UGT1A8: variants seen among roughly 807,000 people sequenced by gnomAD.
The protein encoded by UGT1A8 is UDP-glucuronosyltransferase 1A8.
UGT1A8 carries 39 observed loss-of-function variants against 45.3 expected under a neutral mutation model. That is an observed-to-expected ratio of 0.86 (90% CI 0.67 to 1.12). The LOEUF is 1.12. UGT1A8 is among the 50% of genes most tolerant of loss of function. UGT1A8 has a pLI of 0.00. For synonymous variants in UGT1A8, 275 were observed against 249.2 expected (o/e 1.10, Z -0.97); for missense variants, 719 against 664.9 (o/e 1.08, Z -0.90).
chr2:233,709,911 C>T (rs2076097250), intron 1 of UGT1A8, among the ~76,000 whole-genome samples: 1 of 152,178 alleles, frequency 6.6e-6, no homozygotes, highest in Admixed American at 6.5e-5. Context: ...CACCTAATAC[C>T]TCCCCTCACC....
Position 233,772,812 on chromosome 2 carries a change from C to A in UGT1A8, c.*253C>A. ...ATGACATGTGCCATTTTTCAGAGGA[C>A]GTGCAGACAGGCTGGCATTCTAGAT... is the stretch of plus-strand genomic sequence containing the variant. On this transcript the variant is annotated 3_prime_UTR_variant, in exon 5 of 5. Transcript: ENST00000373450. The A allele has an allele frequency of 1.9e-6, 2 of 1,035,896 alleles. No homozygotes were observed. Among genetic ancestry groups the A allele is most frequent in the Non-Finnish European group, 2.6e-6 (2 of 759,452 alleles). 64.2% of individuals were successfully genotyped at this position (1,035,896 alleles called of 1,614,324 possible). A position where few individuals can be genotyped will look rare whatever the true frequency, so the allele number is the denominator to read the frequency against.
chr2:233,772,219 A>T, intron 4 of UGT1A8, 43 bp from the exon 5 acceptor site: 6 of 1,612,704 alleles, frequency 3.7e-6, no homozygotes, highest in Non-Finnish European at 5.1e-6. Context: ...GATTGTTCAT[A>T]CCACAGGTGT....
At chr2:233,709,134 A>G (rs2076059610) in intron 1 of UGT1A8, among the ~76,000 whole-genome samples, 1 of 152,060 alleles carries the variant, frequency 6.6e-6, no homozygotes, top group Non-Finnish European at 1.5e-5. Flanking sequence ...GGCCAAGGGG[A>G]TGAGACGTGC....
chr2:233,722,051 T>C (rs1475748803), intron 1 of UGT1A8: 2 of 234,456 alleles, frequency 8.5e-6, no homozygotes, highest in Non-Finnish European at 1.7e-5. Flanking sequence ...GTGGTGTTTC[T>C]GGGTCAAGTG....
chr2:233,705,942 A>T (rs1310148343), intron 1 of UGT1A8, among the ~76,000 whole-genome samples: 1 of 152,156 alleles, frequency 6.6e-6, no homozygotes, highest in African/African-American at 2.4e-5. Context: ...ACAAAAAATT[A>T]GCTGGGTGTG....
Position 233,637,315 on chromosome 2 carries a change from G to A in UGT1A8, c.855+18753G>A, listed in dbSNP as rs142662851. 2.3e-4 allele frequency: 368 copies of A among 1,613,778 alleles called. No individual in the cohort carries two copies. Among genetic ancestry groups the A allele is most frequent in the Non-Finnish European group, 2.9e-4 (341 of 1,179,866 alleles). On this transcript the variant is annotated intron_variant, in intron 1 of 4. Coordinates refer to ENST00000373450, the MANE Select transcript of UGT1A8 (RefSeq NM_019076.5). ...CTTTGTTTTGGACTATCCCAAACCCGTGATGCCCAACATGATCTTCATTGG... is the reference window on the plus strand; with the variant it reads ...CTTTGTTTTGGACTATCCCAAACCCATGATGCCCAACATGATCTTCATTGG...
chr2:233,641,048 T>A (rs550443751), intron 1 of UGT1A8, among the ~76,000 whole-genome samples: 1 of 152,252 alleles, frequency 6.6e-6, no homozygotes, highest in South Asian at 2.1e-4. Flanking sequence ...ATGCAAGTTA[T>A]CTCACTGCAA....
chr2:233,742,362 A>G (rs536204491), intron 1 of UGT1A8, among the ~76,000 whole-genome samples: 1 of 152,110 alleles, frequency 6.6e-6, no homozygotes, highest in South Asian at 2.1e-4. Context: ...TGCAGCAGAA[A>G]CATGTCCTTA....
intron 1 of UGT1A8, among the ~76,000 whole-genome samples, chr2:233,651,065 A>G (rs1362784131): frequency 2.0e-5 from 3 of 152,228 alleles, no homozygotes; most frequent in African/African-American, 7.2e-5. Flanking sequence ...CAGGAAGACT[A>G]CAGTTTTAGA....
intron 1 of UGT1A8, chr2:233,743,626 G>C: frequency 7.3e-7 from 1 of 1,367,322 alleles, no homozygotes. Context: ...TGAAGACGTC[G>C]GCTGGGTCGC....
At chr2:233,729,756 G>A in intron 1 of UGT1A8, 1 of 1,613,874 alleles carries the variant, frequency 6.2e-7, no homozygotes, top group Non-Finnish European at 8.5e-7. Context: ...TCATGCAAAG[G>A]GTCAAGAACA....
At chr2:233,762,313 T>A (rs1035982374) in intron 1 of UGT1A8, among the ~76,000 whole-genome samples, 5 of 152,234 alleles carry the variant, frequency 3.3e-5, no homozygotes, top group Admixed American at 3.3e-4. Context: ...AGTTAATGGG[T>A]CGAGAGTAAT....
chr2:233,639,197 A>G (rs2073383108), intron 1 of UGT1A8, among the ~76,000 whole-genome samples: 1 of 152,214 alleles, frequency 6.6e-6, no homozygotes, highest in Non-Finnish European at 1.5e-5. Flanking sequence ...TTGATTGTAA[A>G]TATCTTTTAT....
At chr2:233,722,896 G>A (rs1455405356) in intron 1 of UGT1A8, among the ~76,000 whole-genome samples, 3 of 126,364 alleles carry the variant, frequency 2.4e-5, no homozygotes, top group Admixed American at 8.2e-5. Flanking sequence ...TTAAGTGGAA[G>A]TGGATCATCA....
intron 1 of UGT1A8, among the ~76,000 whole-genome samples, chr2:233,661,444 C>G (rs907309356): frequency 2.6e-5 from 4 of 152,104 alleles, no homozygotes; most frequent in Non-Finnish European, 5.9e-5. Context: ...AATCTTTAAC[C>G]CACAGATGGA....
chr2:233,684,275 A>G (rs45566031), intron 1 of UGT1A8, among the ~76,000 whole-genome samples: 1,557 of 152,330 alleles, frequency 0.01, 38 homozygotes, highest in African/African-American at 0.035. Flanking sequence ...TTCAAATGAA[A>G]CATGACTTTC....
At chr2:233,657,389 C>A (rs1344818625) in intron 1 of UGT1A8, among the ~76,000 whole-genome samples, 1 of 152,190 alleles carries the variant, frequency 6.6e-6, no homozygotes, top group Non-Finnish European at 1.5e-5. Flanking sequence ...AAGACTTGGG[C>A]TACTTCCACT....
chr2:233,640,840 T>C (rs576165573), intron 1 of UGT1A8, among the ~76,000 whole-genome samples: 6 of 152,268 alleles, frequency 3.9e-5, no homozygotes, highest in Admixed American at 3.3e-4. Flanking sequence ...TTTGTCATTG[T>C]TGCTATGTCA....
At chr2:233,633,466 A>C (rs186793019) in intron 1 of UGT1A8, among the ~76,000 whole-genome samples, 101 of 152,178 alleles carry the variant, frequency 6.6e-4, no homozygotes, top group African/African-American at 2.2e-3. Flanking sequence ...GTAGGCTATT[A>C]ATTACTGCCT....
Sources: gnomAD v4.1 joint callset for allele counts (sites outside exome capture counted in the v4.1 genomes callset) on GRCh38, gnomAD v4.1.1 for gene constraint, MANE v1.5 for transcripts, NCBI Gene and HGNC (gene_info 2026-07-23, HGNC 2026-07-21) for gene names.